ALK: variants seen among roughly 807,000 people sequenced by gnomAD.
ALK encodes ALK receptor tyrosine kinase, also known as ALK tyrosine kinase receptor.
A neutral mutation model predicts 163.1 loss-of-function variants in ALK; 74 were observed. The observed-to-expected ratio is 0.45, with a 90% CI of 0.38 to 0.55. The LOEUF is 0.55. Ranked by LOEUF, ALK falls within the 20% of genes least tolerant of loss-of-function variation. The pLI is 0.00. For missense variants in ALK, 2,063 were observed against 2,105.3 expected, an observed-to-expected ratio of 0.98 and a Z score of 0.39; for synonymous variants, 960 against 843.2, an observed-to-expected ratio of 1.14 and a Z score of -2.40.
At chr2:29,565,357 G>C (rs778149374) in intron 3 of ALK, among the ~76,000 whole-genome samples, 11 of 152,308 alleles carry the variant, frequency 7.2e-5, no homozygotes, top group Admixed American at 5.2e-4. Flanking sequence ...CGGAAGGGCA[G>C]GAAGATGGAT....
chr2:29,797,356 A>C (rs1335613972), intron 1 of ALK, among the ~76,000 whole-genome samples: 2 of 152,152 alleles, frequency 1.3e-5, no homozygotes, highest in African/African-American at 2.4e-5. Context: ...AGTCTTTCAA[A>C]GATTTTTTTC....
At chr2:29,269,787 C>A (rs1665330525) in intron 11 of ALK, among the ~76,000 whole-genome samples, 1 of 152,142 alleles carries the variant, frequency 6.6e-6, no homozygotes, top group Non-Finnish European at 1.5e-5. Flanking sequence ...TGCCTGCCAC[C>A]CCTTAATGAA....
chr2:29,636,017 A>T (rs1194251660), intron 3 of ALK, among the ~76,000 whole-genome samples: 1 of 152,206 alleles, frequency 6.6e-6, no homozygotes, highest in Non-Finnish European at 1.5e-5. Context: ...CACAATTCCT[A>T]TCAGAATCCC....
intron 3 of ALK, among the ~76,000 whole-genome samples, chr2:29,606,620 C>T (rs1675548539): frequency 6.6e-6 from 1 of 152,212 alleles, no homozygotes; most frequent in African/African-American, 2.4e-5. Flanking sequence ...ACTACTATGG[C>T]TTTCAGGCCT....
chr2:29,255,190 G>A (rs111589309), intron 11 of ALK, among the ~76,000 whole-genome samples: 4 of 152,160 alleles, frequency 2.6e-5, no homozygotes, highest in African/African-American at 7.2e-5. Context: ...CTGGGGGTGT[G>A]GAGTTTCTGA....
chr2:29,259,779 T>A (rs2148204349), intron 11 of ALK, among the ~76,000 whole-genome samples: 1 of 152,350 alleles, frequency 6.6e-6, no homozygotes, highest in South Asian at 2.1e-4. Flanking sequence ...ACAAGTAGCT[T>A]CAATAAGGAT....
At chr2:29,695,523 C>A (rs1304987980) in intron 2 of ALK, among the ~76,000 whole-genome samples, 1 of 152,138 alleles carries the variant, frequency 6.6e-6, no homozygotes, top group East Asian at 1.9e-4. Flanking sequence ...TGCCTAAGAA[C>A]ATGTAATGTA....
intron 3 of ALK, among the ~76,000 whole-genome samples, chr2:29,532,432 C>T (rs1184407775): frequency 2.0e-5 from 3 of 152,200 alleles, no homozygotes; most frequent in Admixed American, 6.5e-5. Flanking sequence ...GGAATAAAAA[C>T]ATCTATTTCA....
chr2:29,823,478 A>C (rs771285131), intron 1 of ALK, among the ~76,000 whole-genome samples: 10 of 152,210 alleles, frequency 6.6e-5, no homozygotes, highest in Non-Finnish European at 1.5e-4. Flanking sequence ...CTCCCTAAAG[A>C]CTTGTTGAAT....
intron 26 of ALK, among the ~76,000 whole-genome samples, chr2:29,201,820 G>C (rs956678609): frequency 1.3e-5 from 2 of 150,908 alleles, no homozygotes; most frequent in African/African-American, 4.9e-5. Context: ...ACTACTTTGC[G>C]CTACCTCCAC....
intron 1 of ALK, among the ~76,000 whole-genome samples, chr2:29,762,309 T>C (rs990227646): frequency 3.3e-5 from 5 of 152,230 alleles, no homozygotes; most frequent in Non-Finnish European, 7.3e-5. Context: ...TTCAAACGAA[T>C]TGACCTCCAC....
intron 3 of ALK, among the ~76,000 whole-genome samples, chr2:29,621,101 G>A (rs753512456): frequency 3.3e-5 from 5 of 152,292 alleles, no homozygotes; most frequent in East Asian, 1.9e-4. Context: ...TTCCAAAGGA[G>A]GGGGAGAGAT....
In ALK at chr2:29,634,223, G is replaced by A. The variant is rs58403584; in HGVS notation, c.952+60627C>T. Among the ~76,000 whole-genome samples the A allele has an allele frequency of 4.3e-3, 658 of 151,670 alleles. 5 individuals are homozygous for A. The highest frequency in any genetic ancestry group is 0.015 in the African/African-American group (612 of 41,334). On this transcript the variant is annotated intron_variant, in intron 3 of 28. Transcript: ENST00000389048. ...AGTGATTCTCCTGCCTCACCCTCTC[G>A]AATAGCTAGGATTAGTGACACACTG...
chr2:29,352,690 C>T (rs186107972), intron 5 of ALK, among the ~76,000 whole-genome samples: 15 of 152,308 alleles, frequency 9.8e-5, no homozygotes, highest in Admixed American at 2.6e-4. Context: ...TCCCAAGACA[C>T]CTAGGCTGTA....
At chr2:29,419,147 C>T (rs77199996) in intron 4 of ALK, among the ~76,000 whole-genome samples, 19,462 of 151,246 alleles carry the variant, frequency 0.13, 1,692 homozygotes, top group East Asian at 0.25. Context: ...CTCCGCCTCC[C>T]GTGTTCAAGT....
intron 4 of ALK, among the ~76,000 whole-genome samples, chr2:29,412,974 C>T (rs1471944232): frequency 6.6e-6 from 1 of 152,186 alleles, no homozygotes; most frequent in African/African-American, 2.4e-5. Flanking sequence ...TCACTTTGTT[C>T]TTGTTCTTCA....
At chr2:29,408,744 T>A (rs537116439) in intron 4 of ALK, among the ~76,000 whole-genome samples, 2 of 152,306 alleles carry the variant, frequency 1.3e-5, no homozygotes, top group South Asian at 4.1e-4. Flanking sequence ...AATGGGCAGA[T>A]GAGAATTTTT....
At chr2:29,394,752 G>A (rs2148310402) in intron 4 of ALK, among the ~76,000 whole-genome samples, 1 of 152,310 alleles carries the variant, frequency 6.6e-6, no homozygotes, top group African/African-American at 2.4e-5. Flanking sequence ...TCACCCACCA[G>A]CAGCCAGTGG....
chr2:29,588,932 A>G (rs1674968299), intron 3 of ALK, among the ~76,000 whole-genome samples: 1 of 152,166 alleles, frequency 6.6e-6, no homozygotes, highest in African/African-American at 2.4e-5. Context: ...ACCTTACTGA[A>G]TGCATTGGGT....
Sources: allele counts gnomAD v4.1 joint callset (sites outside exome capture counted in the v4.1 genomes callset), GRCh38; gene constraint gnomAD v4.1.1; transcripts MANE v1.5; gene names NCBI Gene and HGNC (gene_info 2026-07-23, HGNC 2026-07-21).